Variants in GNPDA1 observed in about 807,000 individuals in gnomAD.
GNPDA1 encodes the protein GNPDA 1.
Under a neutral mutation model 28.5 loss-of-function variants are expected in GNPDA1, and 24 were observed. The ratio of observed to expected loss-of-function variants is 0.84; its 90% confidence interval spans 0.61 to 1.19. The LOEUF (loss-of-function observed/expected upper bound fraction) is 1.19, where lower values mean the gene tolerates loss of function less well. GNPDA1 is among the 50% of genes most tolerant of loss of function. GNPDA1 has a pLI of 0.00. For missense variants in GNPDA1, 264 were observed against 367.3 expected (o/e 0.72, Z 2.30); for synonymous variants, 147 against 139.3 (o/e 1.06, Z -0.39).
At chr5:142,002,243 T>C (rs1755693085) in intron 6 of GNPDA1, 114 bp from the exon 7 acceptor site, 4 of 612,270 alleles carry the variant, frequency 6.5e-6, no homozygotes, top group African/African-American at 3.7e-5. Flanking sequence ...GACACTTCTC[T>C]CTTTTCTCTA....
At chr5:142,011,436 A>C (rs1383674032) in intron 2 of GNPDA1, among the ~76,000 whole-genome samples, 1 of 152,246 alleles carries the variant, frequency 6.6e-6, no homozygotes, top group South Asian at 2.1e-4. Flanking sequence ...ATTTTTTCCA[A>C]AAGAAATTAG....
At chr5:142,009,235 C>T (rs28672679) in intron 2 of GNPDA1, among the ~76,000 whole-genome samples, 474 of 152,146 alleles carry the variant, frequency 3.1e-3, no homozygotes, top group African/African-American at 0.011. Context: ...ATCGAGATTA[C>T]GTCATGTCAC....
In GNPDA1 at chr5:142,003,851, C is replaced by T. The variant is rs1218303544; in HGVS notation, c.595-589G>A. Reference sequence around the variant, plus strand: ...AAACAAAGGCACAGTCTCCACTTAACAGTTAAAATATCGAGAATGTAAGTG... The same window carrying T: ...AAACAAAGGCACAGTCTCCACTTAATAGTTAAAATATCGAGAATGTAAGTG... On this transcript the variant is annotated intron_variant, in intron 5 of 6. Transcript: ENST00000311337. This position sits in a 1 kb window ranked among gnomAD's most constrained non-coding sequence, Gnocchi z 4.0. Among the ~76,000 whole-genome samples, 1 of 152,154 alleles carries T rather than the reference C, an allele frequency of 6.6e-6. No individual in the cohort carries two copies. The highest frequency in any genetic ancestry group is 6.5e-5 in the Admixed American group (1 of 15,274).
intron 3 of GNPDA1, among the ~76,000 whole-genome samples, chr5:142,007,116 C>T (rs1755826820): frequency 6.6e-6 from 1 of 152,068 alleles, no homozygotes; most frequent in African/African-American, 2.4e-5. Flanking sequence ...GGTATAGAGC[C>T]TGAGTCTTAC....
chr5:142,002,193 A>G (rs982727163), intron 6 of GNPDA1, 64 bp from the exon 7 acceptor site: 5 of 817,146 alleles, frequency 6.1e-6, no homozygotes, highest in African/African-American at 5.2e-5. Flanking sequence ...TTGATTATCA[A>G]TCATAACATC....
chr5:142,011,868 C>T (rs767916228), intron 2 of GNPDA1, 44 bp downstream of exon 2: 31 of 1,611,256 alleles, frequency 1.9e-5, no homozygotes, highest in Non-Finnish European at 2.6e-5. Context: ...GTTGCCTACT[C>T]TCTCCACCCT....
At chr5:142,007,142 C>T (rs1755827875) in intron 3 of GNPDA1, among the ~76,000 whole-genome samples, 1 of 152,070 alleles carries the variant, frequency 6.6e-6, no homozygotes, top group South Asian at 2.1e-4. Flanking sequence ...GAAAAGAGTT[C>T]TGGAAATTGG....
chr5:142,006,135 C>G lies in GNPDA1; in HGVS notation c.409+9G>C. ...CCTGGACATGTGTGCTGCAGAGTGT[C>G]AAGCTCACCTCCAACAAATAGCTCG... On this transcript the variant is annotated intron_variant, in intron 4 of 6. Coordinates refer to ENST00000311337, the MANE Select transcript of GNPDA1 (RefSeq NM_005471.5). 1 of 1,608,496 alleles carries G rather than the reference C, an allele frequency of 6.2e-7. No homozygotes were observed. The highest frequency in any genetic ancestry group is 1.1e-5 in the South Asian group (1 of 90,308).
chr5:142,005,535 C>G (rs1487395482), intron 4 of GNPDA1: 2 of 165,092 alleles, frequency 1.2e-5, no homozygotes, highest in Admixed American at 1.1e-4. Flanking sequence ...AGAACCTGGA[C>G]AGGGGCTGCC....
intron 2 of GNPDA1, 24 bp downstream of exon 2, chr5:142,011,888 C>T (rs756011681): frequency 6.8e-6 from 11 of 1,613,666 alleles, no homozygotes; most frequent in Non-Finnish European, 9.3e-6. Flanking sequence ...TTATCCACGG[C>T]ACCCTCTCCA....
intron 4 of GNPDA1, 66 bp from the exon 5 acceptor site, chr5:142,005,182 C>G: frequency 8.0e-7 from 1 of 1,245,488 alleles, no homozygotes; most frequent in Non-Finnish European, 1.1e-6. Context: ...AATGGACAAT[C>G]TCTCCTTCCC....
chr5:142,009,859 G>A (rs1385693837), intron 2 of GNPDA1, among the ~76,000 whole-genome samples: 1 of 152,166 alleles, frequency 6.6e-6, no homozygotes, highest in Non-Finnish European at 1.5e-5. Flanking sequence ...GTGTGGAAAC[G>A]CTGTCCTGTT....
chr5:142,010,947 T>C (rs1282467233), intron 2 of GNPDA1, among the ~76,000 whole-genome samples: 1 of 152,132 alleles, frequency 6.6e-6, no homozygotes, highest in Non-Finnish European at 1.5e-5. Context: ...CATTCACTTA[T>C]ATATTGTCTT....
At chr5:142,011,823 T>C (rs546929810) in intron 2 of GNPDA1, 89 bp downstream of exon 2, 6 of 1,474,542 alleles carry the variant, frequency 4.1e-6, no homozygotes, top group African/African-American at 1.4e-5. Flanking sequence ...CCCCGTGAAG[T>C]CCCTTGGCTG....
chr5:142,006,429 G>A, intron 3 of GNPDA1, 103 bp from the exon 4 acceptor site: 2 of 836,038 alleles, frequency 2.4e-6, no homozygotes, highest in Non-Finnish European at 3.8e-6. Context: ...CACTCCCAGG[G>A]GTCTGCCCAT....
intron 2 of GNPDA1, among the ~76,000 whole-genome samples, chr5:142,008,632 C>T (rs896303768): frequency 6.6e-6 from 1 of 151,880 alleles, no homozygotes; most frequent in African/African-American, 2.4e-5. Flanking sequence ...GAGGCTGAGG[C>T]ACAAGAATCA....
chr5:142,002,074 T>C lies in GNPDA1; in HGVS notation c.825A>G (p.Lys275=), dbSNP rs757343446. ...LVDPLYSIKE[K]ETEKSQSSKK... ...TCGAAGATTGGCTTTTCTCAGTTTC[T>C]TTCTCTTTGATACTGTACAAGGGGT... Residue 275 remains lysine, a synonymous_variant, in exon 7 of 7, where the codon AAA becomes AAG. Transcript: ENST00000311337. The C allele has an allele frequency of 5.0e-6, 8 of 1,606,822 alleles. No homozygotes were observed. Among genetic ancestry groups the C allele is most frequent in the Non-Finnish European group, 6.8e-6 (8 of 1,173,544 alleles).
intron 2 of GNPDA1, among the ~76,000 whole-genome samples, chr5:142,009,384 C>T (rs1303381253): frequency 6.6e-6 from 1 of 152,104 alleles, no homozygotes; most frequent in African/African-American, 2.4e-5. Context: ...CCACCCCTGC[C>T]GACACACTCC....
At chr5:142,002,545 GA>G (rs1301348353) in intron 6 of GNPDA1, among the ~76,000 whole-genome samples, 2 of 152,172 alleles carry the variant, frequency 1.3e-5, no homozygotes, top group African/African-American at 4.8e-5. Flanking sequence ...CTGAGGTCAG[GA>G]GTTTGAGACC....
Sources: gnomAD v4.1 joint callset for allele counts (sites outside exome capture counted in the v4.1 genomes callset) on GRCh38, gnomAD v4.1.1 for gene constraint, Gnocchi (gnomAD v3.1) non-coding constraint, MANE v1.5 for transcripts, NCBI Gene and HGNC (gene_info 2026-07-23, HGNC 2026-07-21) for gene names.